NELL1: variants seen among roughly 807,000 people sequenced by gnomAD.
The protein encoded by NELL1 is neural EGFL like 1, also known as protein kinase C-binding protein NELL1.
In NELL1, 76 loss-of-function variants were observed where a neutral mutation model predicts 107.4. That is an observed-to-expected ratio of 0.71 (90% confidence interval 0.59 to 0.86). NELL1 has a LOEUF of 0.86. Ranked by LOEUF, NELL1 falls within the 40% of genes least tolerant of loss-of-function variation. NELL1 has a pLI of 0.00. For synonymous variants in NELL1, 353 were observed against 341.2 expected (o/e 1.03, Z -0.38); for missense variants, 1,024 against 1,005.5 (o/e 1.02, Z -0.25).
intron 14 of NELL1, among the ~76,000 whole-genome samples, chr11:21,337,355 T>C (rs185092379): frequency 7.9e-4 from 121 of 152,336 alleles, no homozygotes; most frequent in African/African-American, 2.8e-3. Context: ...GTTGTTCTAA[T>C]GGTAAATCAC....
At chr11:20,841,822 C>T (rs1264464780) in intron 3 of NELL1, among the ~76,000 whole-genome samples, 1 of 152,076 alleles carries the variant, frequency 6.6e-6, no homozygotes, top group African/African-American at 2.4e-5. Context: ...TTATTTAAGA[C>T]ACATTAAAAA....
At chr11:21,483,360 G>C (rs1209412943) in intron 15 of NELL1, among the ~76,000 whole-genome samples, 2 of 152,040 alleles carry the variant, frequency 1.3e-5, no homozygotes, top group Non-Finnish European at 2.9e-5. Flanking sequence ...CCCCAAAAAG[G>C]ATACATTTTC....
intron 12 of NELL1, among the ~76,000 whole-genome samples, chr11:21,087,528 T>G (rs1854424088): frequency 6.6e-6 from 1 of 152,242 alleles, no homozygotes. Flanking sequence ...ATTATTATGT[T>G]AAGGCCAGTA....
intron 15 of NELL1, among the ~76,000 whole-genome samples, chr11:21,497,661 G>A (rs1004076063): frequency 6.6e-6 from 1 of 151,912 alleles, no homozygotes; most frequent in Non-Finnish European, 1.5e-5. Context: ...TTGGTTTATA[G>A]GTTATAAATA....
intron 15 of NELL1, among the ~76,000 whole-genome samples, chr11:21,461,860 A>G (rs1853908348): frequency 6.6e-6 from 1 of 152,106 alleles, no homozygotes; most frequent in Non-Finnish European, 1.5e-5. Flanking sequence ...ATGGAAAGTA[A>G]AGACCTGGAA....
At chr11:20,690,830 G>A (rs894138980) in intron 2 of NELL1, among the ~76,000 whole-genome samples, 16 of 150,398 alleles carry the variant, frequency 1.1e-4, no homozygotes, top group East Asian at 2.0e-4. Flanking sequence ...AAAGTCATTG[G>A]TAGCTTGATG....
chr11:21,412,107 T>C (rs920178689), intron 15 of NELL1, among the ~76,000 whole-genome samples: 3 of 152,108 alleles, frequency 2.0e-5, no homozygotes, highest in African/African-American at 7.2e-5. Flanking sequence ...GTTTAGGCAT[T>C]CTCAAATTCA....
chr11:21,289,825 A>C (rs1357668777), intron 14 of NELL1, among the ~76,000 whole-genome samples: 1 of 152,154 alleles, frequency 6.6e-6, no homozygotes, highest in Non-Finnish European at 1.5e-5. Context: ...ATCCGCCATT[A>C]CTGAGGCTTG....
chr11:20,988,716 G>C lies in NELL1; in HGVS notation c.1300+28156G>C, dbSNP rs563915979. ...CGCCATTCTCCTGCCTCAGCCTCCT[G>C]AGTAGCTGAGACGACAGGCGCCCGC... is the stretch of plus-strand genomic sequence containing the variant. On this transcript the variant is annotated intron_variant, in intron 12 of 19. Transcript: ENST00000357134. Among the ~76,000 whole-genome samples, 134 of 151,402 alleles carry C rather than the reference G, an allele frequency of 8.9e-4. 2 individuals carry two copies. Among genetic ancestry groups the C allele is most frequent in the African/African-American group, 3.1e-3 (128 of 41,284 alleles).
intron 10 of NELL1, among the ~76,000 whole-genome samples, chr11:20,938,466 A>G (rs1352220931): frequency 6.6e-6 from 1 of 152,172 alleles, no homozygotes; most frequent in Non-Finnish European, 1.5e-5. Flanking sequence ...AATTAAACAA[A>G]CGTATAATAT....
intron 9 of NELL1, among the ~76,000 whole-genome samples, chr11:20,935,212 T>C (rs1369039325): frequency 6.6e-6 from 1 of 152,148 alleles, no homozygotes; most frequent in African/African-American, 2.4e-5. Flanking sequence ...GAAATTAGGA[T>C]GTCATGTGAT....
chr11:21,138,615 A>T (rs1413756606), intron 13 of NELL1, among the ~76,000 whole-genome samples: 1 of 152,228 alleles, frequency 6.6e-6, no homozygotes, highest in Non-Finnish European at 1.5e-5. Flanking sequence ...GCTGGGTTTG[A>T]GATGTCAATA....
At chr11:21,032,083 A>AATG (rs887210687) in intron 12 of NELL1, among the ~76,000 whole-genome samples, 4 of 149,110 alleles carry the variant, frequency 2.7e-5, no homozygotes, top group Admixed American at 1.3e-4. Context: ...TAATAATAAT[A>AATG]ATGATAAAAT....
intron 16 of NELL1, among the ~76,000 whole-genome samples, chr11:21,555,855 G>A (rs1416609743): frequency 2.6e-5 from 4 of 151,828 alleles, no homozygotes. Context: ...TGTTCTAACT[G>A]TGTCAACCTC....
intron 12 of NELL1, among the ~76,000 whole-genome samples, chr11:21,108,945 C>A (rs1381147806): frequency 6.6e-6 from 1 of 152,114 alleles, no homozygotes; most frequent in African/African-American, 2.4e-5. Context: ...TCATAAACAT[C>A]AGCTACAGCG....
chr11:21,172,511 G>C (rs1856628837), intron 13 of NELL1, among the ~76,000 whole-genome samples: 2 of 151,678 alleles, frequency 1.3e-5, no homozygotes, highest in Admixed American at 1.3e-4. Context: ...CCCCTTTGCT[G>C]ACTTTGAGAA....
chr11:21,438,119 C>T (rs1371458817), intron 15 of NELL1, among the ~76,000 whole-genome samples: 1 of 152,142 alleles, frequency 6.6e-6, no homozygotes, highest in Non-Finnish European at 1.5e-5. Flanking sequence ...CCTTTCAATT[C>T]CAGATGCAGA....
intron 2 of NELL1, among the ~76,000 whole-genome samples, chr11:20,762,518 G>T (rs1275632316): frequency 3.9e-5 from 6 of 152,158 alleles, no homozygotes; most frequent in Non-Finnish European, 7.4e-5. Flanking sequence ...TGACATTTTT[G>T]AAGAATTTTT....
At chr11:21,481,739 G>T (rs1405669165) in intron 15 of NELL1, among the ~76,000 whole-genome samples, 2 of 152,162 alleles carry the variant, frequency 1.3e-5, no homozygotes, top group African/African-American at 4.8e-5. Flanking sequence ...CTGTAGGATT[G>T]CCTGGCAATC....
Sources: gnomAD v4.1 joint callset for allele counts (sites outside exome capture counted in the v4.1 genomes callset) on GRCh38, gnomAD v4.1.1 for gene constraint, MANE v1.5 for transcripts, NCBI Gene and HGNC (gene_info 2026-07-23, HGNC 2026-07-21) for gene names.